The following KAZN variants were observed in gnomAD, a reference collection of about 807,000 sequenced individuals.
KAZN encodes the protein kazrin, periplakin interacting protein.
Under a neutral mutation model 87.4 loss-of-function variants are expected in KAZN, and 40 were observed. The ratio of observed to expected loss-of-function variants is 0.46; its 90% CI spans 0.36 to 0.60. KAZN has a LOEUF of 0.60. KAZN is among the 20% of genes least tolerant of loss of function. KAZN has a pLI of 0.00. For synonymous variants in KAZN, 466 were observed against 458.3 expected (o/e 1.02, Z -0.22); for missense variants, 898 against 1,073.9 (o/e 0.84, Z 2.29).
chr1:14,988,703 G>GC (rs1553167979), intron 2 of KAZN, among the ~76,000 whole-genome samples: 32 of 152,092 alleles, frequency 2.1e-4, no homozygotes, highest in Non-Finnish European at 4.4e-4. Context: ...CTCCACTGAT[G>GC]CCCCCCCAGT....
chr1:14,453,614 T>A (rs1667404260), intron 2 of KAZN, among the ~76,000 whole-genome samples: 1 of 152,130 alleles, frequency 6.6e-6, no homozygotes, highest in Non-Finnish European at 1.5e-5. Flanking sequence ...GGTGGGCGGA[T>A]CACTTGAGGT....
At chr1:13,914,613 G>A (rs1639775424) in intron 1 of KAZN, among the ~76,000 whole-genome samples, 1 of 152,180 alleles carries the variant, frequency 6.6e-6, no homozygotes, top group Admixed American at 6.5e-5. Flanking sequence ...AGATTTTCCT[G>A]CTGGCTTTGA....
intron 1 of KAZN, among the ~76,000 whole-genome samples, chr1:14,622,730 C>T (rs1474474262): frequency 2.0e-5 from 3 of 150,948 alleles, no homozygotes; most frequent in Admixed American, 2.0e-4. Context: ...CTAATCTCTG[C>T]TTCACCTTTA....
chr1:14,404,452 T>C (rs1206928510), intron 2 of KAZN, among the ~76,000 whole-genome samples: 1 of 152,200 alleles, frequency 6.6e-6, no homozygotes, highest in African/African-American at 2.4e-5. Context: ...AAATAATTTC[T>C]TTCTATCTCC....
At chr1:15,103,278 G>A in intron 11 of KAZN, 81 bp from the exon 12 acceptor site, 1 of 1,006,994 alleles carries the variant, frequency 9.9e-7, no homozygotes. Context: ...GGGGGAAAAA[G>A]AGATGCGGGG....
At chr1:14,542,885 C>T (rs186941118) in intron 2 of KAZN, among the ~76,000 whole-genome samples, 60 of 151,810 alleles carry the variant, frequency 4.0e-4, no homozygotes, top group African/African-American at 1.3e-3. Flanking sequence ...GGGAGCTGCT[C>T]ACATTGTCTG....
In KAZN at chr1:14,038,467, C is replaced by T. The variant is rs527817085; in HGVS notation, c.92-141968C>T. Among the ~76,000 whole-genome samples the T allele has an allele frequency of 2.8e-4, 43 of 152,248 alleles. 1 individual carries two copies. The South Asian group carries it at 8.9e-3, about 32-fold the overall frequency. On this transcript the variant is annotated intron_variant, in intron 1 of 16. Transcript: ENST00000636203. The stretch of plus-strand genomic sequence containing the variant: ...GGACAGCACCTGGGACAGGTGACCT[C>T]AGAAGAATAAGCCTGGGGGAGAGCA...
chr1:15,003,279 T>C (rs1668683636), intron 2 of KAZN, among the ~76,000 whole-genome samples: 1 of 152,142 alleles, frequency 6.6e-6, no homozygotes. Flanking sequence ...CGGTAGGCAG[T>C]GGGTGCCGGT....
At chr1:14,750,484 A>G (rs1009179867) in intron 1 of KAZN, among the ~76,000 whole-genome samples, 12 of 152,168 alleles carry the variant, frequency 7.9e-5, no homozygotes, top group Admixed American at 7.9e-4. Flanking sequence ...TATGCCTAGG[A>G]GTGCTCATAA....
intron 2 of KAZN, among the ~76,000 whole-genome samples, chr1:14,220,497 G>T (rs1647071988): frequency 6.6e-6 from 1 of 152,104 alleles, no homozygotes; most frequent in Admixed American, 6.5e-5. Flanking sequence ...CTTTTCCTGT[G>T]TGCAAGGCTT....
intron 2 of KAZN, among the ~76,000 whole-genome samples, chr1:14,457,386 G>C (rs993326812): frequency 1.3e-5 from 2 of 152,024 alleles, no homozygotes; most frequent in Non-Finnish European, 2.9e-5. Flanking sequence ...TTCTTGATTA[G>C]TAGAAGTTAT....
intron 8 of KAZN, among the ~76,000 whole-genome samples, chr1:15,073,047 T>C (rs1301857392): frequency 6.6e-6 from 1 of 152,160 alleles, no homozygotes; most frequent in Non-Finnish European, 1.5e-5. Context: ...GGGGTTGCCA[T>C]AGCTGGCGAA....
intron 1 of KAZN, among the ~76,000 whole-genome samples, chr1:14,726,373 TC>T (rs1295208381): frequency 6.6e-6 from 1 of 152,154 alleles, no homozygotes; most frequent in Admixed American, 6.5e-5. Flanking sequence ...TTGTCCCTGT[TC>T]CCCACCAGAA....
intron 1 of KAZN, among the ~76,000 whole-genome samples, chr1:13,917,982 C>A (rs990302992): frequency 6.6e-6 from 1 of 152,174 alleles, no homozygotes; most frequent in Non-Finnish European, 1.5e-5. Context: ...TGCTCATAGA[C>A]AATGCACCTG....
chr1:14,783,760 C>T (rs75185534), intron 1 of KAZN, among the ~76,000 whole-genome samples: 9,901 of 152,026 alleles, frequency 0.065, 371 homozygotes, highest in South Asian at 0.087. Context: ...TAGGCAGGCA[C>T]GGCAGAGGGG....
At chr1:14,529,974 A>G (rs965637142) in intron 2 of KAZN, among the ~76,000 whole-genome samples, 30 of 152,322 alleles carry the variant, frequency 2.0e-4, no homozygotes, top group African/African-American at 6.3e-4. Context: ...GTGGGCTCTC[A>G]TAACCAAATC....
chr1:15,075,719 AC>A (rs1166758738), intron 8 of KAZN, among the ~76,000 whole-genome samples: 1 of 152,164 alleles, frequency 6.6e-6, no homozygotes, highest in Non-Finnish European at 1.5e-5. Context: ...CTAAGAAAGG[AC>A]CCAAAGCAGT....
intron 1 of KAZN, among the ~76,000 whole-genome samples, chr1:14,176,155 A>G (rs777523900): frequency 6.6e-6 from 1 of 152,204 alleles, no homozygotes; most frequent in Non-Finnish European, 1.5e-5. Context: ...TTCTGAGTAA[A>G]TATCAAATAA....
chr1:14,660,539 C>G (rs899634856), intron 1 of KAZN, among the ~76,000 whole-genome samples: 1 of 125,420 alleles, frequency 8.0e-6, no homozygotes, highest in African/African-American at 3.3e-5. Context: ...CTCTCTCTCT[C>G]TCTTTTTTTT....
Sources: allele counts gnomAD v4.1 joint callset (sites outside exome capture counted in the v4.1 genomes callset), GRCh38; gene constraint gnomAD v4.1.1; transcripts MANE v1.5; gene names NCBI Gene and HGNC (gene_info 2026-07-23, HGNC 2026-07-21).